The following EYS variants were observed in gnomAD, a reference collection of about 807,000 sequenced individuals.
EYS encodes EGF-like photoreceptor maintenance factor, also known as protein eyes shut homolog.
Under a neutral mutation model 282.1 loss-of-function variants are expected in EYS, and 250 were observed. The observed-to-expected ratio is 0.89, with a 90% CI of 0.80 to 0.98. EYS has a LOEUF of 0.98. Among genes scored for constraint, EYS ranks in the 50% least tolerant of loss-of-function variants. The pLI is 0.00. For synonymous variants in EYS, 1,355 were observed against 1,282.9 expected, an observed-to-expected ratio of 1.06 and a Z score of -1.20; for missense variants, 4,016 against 3,709.0, an observed-to-expected ratio of 1.08 and a Z score of -2.15.
intron 26 of EYS, among the ~76,000 whole-genome samples, chr6:64,443,823 T>C (rs1003331798): frequency 6.6e-6 from 1 of 152,114 alleles, no homozygotes; most frequent in Admixed American, 6.6e-5. Context: ...GAACTGTAAG[T>C]CCAATAAAAC....
intron 32 of EYS, 105 bp from the exon 33 acceptor site, chr6:64,066,596 G>T (rs1771380872): frequency 4.1e-6 from 3 of 734,682 alleles, no homozygotes; most frequent in Admixed American, 5.3e-5. Flanking sequence ...GATTTAGGGG[G>T]TTGGTAGGAG....
intron 12 of EYS, among the ~76,000 whole-genome samples, chr6:65,103,427 T>C (rs1371806133): frequency 4.0e-5 from 6 of 151,436 alleles, no homozygotes; most frequent in Non-Finnish European, 7.4e-5. Flanking sequence ...TTCCTTTCTC[T>C]GGACCTAAGA....
intron 35 of EYS, among the ~76,000 whole-genome samples, chr6:63,890,544 C>A (rs1270154246): frequency 6.6e-6 from 1 of 151,970 alleles, no homozygotes; most frequent in Non-Finnish European, 1.5e-5. Context: ...TATTTGAAAC[C>A]AATGAGAATA....
chr6:63,829,361 C>A (rs1451308683), intron 36 of EYS, among the ~76,000 whole-genome samples: 2 of 152,306 alleles, frequency 1.3e-5, no homozygotes. Context: ...GACACTCCCA[C>A]CCTAATACTG....
intron 5 of EYS, among the ~76,000 whole-genome samples, chr6:65,413,307 G>A (rs1442362522): frequency 6.6e-6 from 1 of 151,894 alleles, no homozygotes; most frequent in African/African-American, 2.4e-5. Context: ...TATATACTTG[G>A]ATTATAGCAA....
chr6:64,020,533 G>A (rs1769139492), intron 33 of EYS, among the ~76,000 whole-genome samples: 1 of 151,978 alleles, frequency 6.6e-6, no homozygotes, highest in African/African-American at 2.4e-5. Context: ...GGCTTCATGG[G>A]GTGCAAATAG....
At chr6:65,595,249 C>T (rs1232568355) in intron 2 of EYS, among the ~76,000 whole-genome samples, 2 of 152,002 alleles carry the variant, frequency 1.3e-5, no homozygotes. Context: ...TGTTCTCACT[C>T]ATAGGTGGGA....
At chr6:65,154,537 T>C (rs1764688817) in intron 12 of EYS, among the ~76,000 whole-genome samples, 3 of 151,676 alleles carry the variant, frequency 2.0e-5, no homozygotes, top group Non-Finnish European at 4.4e-5. Flanking sequence ...ATTATATGTT[T>C]AATAATTTTA....
chr6:64,663,794 T>G (rs1769129475), intron 22 of EYS, among the ~76,000 whole-genome samples: 1 of 152,196 alleles, frequency 6.6e-6, no homozygotes, highest in African/African-American at 2.4e-5. Context: ...TCTTGCACTC[T>G]GACCTGGGGT....
chr6:64,261,433 T>C (rs913350285), intron 30 of EYS, among the ~76,000 whole-genome samples: 1 of 152,164 alleles, frequency 6.6e-6, no homozygotes, highest in Admixed American at 6.6e-5. Context: ...AAACTTTACT[T>C]TGTATTTATT....
intron 35 of EYS, among the ~76,000 whole-genome samples, chr6:63,874,203 T>C (rs1772898386): frequency 6.6e-6 from 1 of 152,214 alleles, no homozygotes; most frequent in African/African-American, 2.4e-5. Context: ...AATTTCAGCT[T>C]TCTACATATG....
intron 12 of EYS, among the ~76,000 whole-genome samples, chr6:65,260,861 T>A (rs536316428): frequency 2.6e-5 from 4 of 152,112 alleles, no homozygotes; most frequent in South Asian, 2.1e-4. Flanking sequence ...TAAGAACTTA[T>A]TAGAAAGAGA....
In EYS at chr6:64,388,806, T is replaced by G; in HGVS notation, c.5962A>C (p.Ile1988Leu). The G allele has an allele frequency of 1.3e-6, 2 of 1,542,374 alleles. No homozygotes were observed. Among genetic ancestry groups the G allele is most frequent in the East Asian group, 2.5e-5 (1 of 40,340 alleles). The change falls in exon 29 of 43, where the codon ATT becomes CTT. Residue 1988 changes from isoleucine to leucine, a missense_variant. By Grantham distance (5) the Ile-to-Leu change is conservative. Coordinates refer to ENST00000503581, the MANE Select transcript of EYS (RefSeq NM_001142800.2). ...CATATTTGTGTATTCCTCCCTAAAA[T>G]AGTCAGCTCAGCGTTACATGGATCC... Reference protein sequence around the residue: ...ELDPCNAELTILGRNTQICES... With the variant: ...ELDPCNAELTLLGRNTQICES...
intron 22 of EYS, among the ~76,000 whole-genome samples, chr6:64,670,055 G>A (rs1263783445): frequency 6.6e-6 from 1 of 152,082 alleles, no homozygotes; most frequent in African/African-American, 2.4e-5. Flanking sequence ...GGATCCGGGA[G>A]CCACCCTTTT....
At chr6:63,850,364 A>G (rs1480768351) in intron 36 of EYS, among the ~76,000 whole-genome samples, 2 of 152,188 alleles carry the variant, frequency 1.3e-5, no homozygotes, top group Admixed American at 6.5e-5. Context: ...CAACACCAAG[A>G]CATATAATCA....
At chr6:63,820,491 T>G (rs2149685550) in intron 36 of EYS, among the ~76,000 whole-genome samples, 1 of 152,314 alleles carries the variant, frequency 6.6e-6, no homozygotes, top group African/African-American at 2.4e-5. Flanking sequence ...AGCTCCAGAA[T>G]TTTCTCTCTT....
In EYS at chr6:64,823,387, TG is replaced by T. The variant is rs991743337; in HGVS notation, c.2993-566del. ...GTACCAAGCCAAAAAATAAACTTCC[TG>T]TTCACACAAAAACGTTTTTAGGGAG... On this transcript the variant is annotated intron_variant, in intron 19 of 42. Transcript: ENST00000503581. 1.8e-4 allele frequency among the ~76,000 whole-genome samples: 28 copies of T among 151,912 alleles called. No homozygotes were observed. In the Admixed American group the frequency reaches 1.8e-3, roughly 10 times the overall value.
At chr6:64,038,843 A>G (rs1770248864) in intron 33 of EYS, among the ~76,000 whole-genome samples, 1 of 149,132 alleles carries the variant, frequency 6.7e-6, no homozygotes, top group African/African-American at 2.5e-5. Context: ...CTCGCTCTGT[A>G]GCCCGGGCTG....
At chr6:64,856,922 T>C (rs1371510629) in intron 19 of EYS, among the ~76,000 whole-genome samples, 1 of 152,236 alleles carries the variant, frequency 6.6e-6, no homozygotes, top group Non-Finnish European at 1.5e-5. Flanking sequence ...TTTTGTGTTT[T>C]ACATTTAGAT....
Sources: allele counts gnomAD v4.1 joint callset (sites outside exome capture counted in the v4.1 genomes callset), GRCh38; gene constraint gnomAD v4.1.1; transcripts MANE v1.5; gene names NCBI Gene and HGNC (gene_info 2026-07-23, HGNC 2026-07-21).